The following FHIP1A variants were observed in gnomAD, a reference collection of about 807,000 sequenced individuals.
FHIP1A encodes FHF complex subunit HOOK interacting protein 1A.
Under a neutral mutation model 88.6 loss-of-function variants are expected in FHIP1A, and 61 were observed. That is an observed-to-expected ratio of 0.69 (90% CI 0.56 to 0.85). The LOEUF is 0.85. FHIP1A is among the 40% of genes least tolerant of loss of function. The pLI is 0.00. For missense variants in FHIP1A, 1,154 were observed against 1,273.5 expected (o/e 0.91, Z 1.43); for synonymous variants, 478 against 496.0 (o/e 0.96, Z 0.48).
chr4:151,505,376 A>G (rs1374450327), intron 3 of FHIP1A, among the ~76,000 whole-genome samples: 1 of 152,190 alleles, frequency 6.6e-6, no homozygotes, highest in East Asian at 1.9e-4. Flanking sequence ...GGAGTCCCCA[A>G]ATGGAAGGGG....
In FHIP1A at chr4:151,638,739, G is replaced by A; in HGVS notation, c.1209G>A (p.Met403Ile). ...TLIGLHCEDV[M>I]LQLVLRYLIP... ...TTGGTTTACATTGTGAAGATGTGAT[G>A]TTACAGCTAGTTCTAAGGTGAGTTG... The change falls in exon 9 of 14, where the codon ATG becomes ATA. Residue 403 changes from methionine to isoleucine, a missense_variant. Transcript: ENST00000435205. 6.5e-7 allele frequency: 1 copy of A among 1,547,566 alleles called. No individual in the cohort carries two copies. Among genetic ancestry groups the A allele is most frequent in the South Asian group, 1.2e-5 (1 of 83,634 alleles).
intron 6 of FHIP1A, among the ~76,000 whole-genome samples, chr4:151,587,427 TA>T (rs1157430688): frequency 1.3e-5 from 2 of 152,066 alleles, no homozygotes; most frequent in Admixed American, 6.5e-5. Context: ...TAAGTTTTCA[TA>T]AAAAATATTT....
intron 1 of FHIP1A, among the ~76,000 whole-genome samples, chr4:151,428,837 C>T (rs1418628130): frequency 6.6e-6 from 1 of 152,170 alleles, no homozygotes; most frequent in African/African-American, 2.4e-5. Flanking sequence ...CATTCCTCCC[C>T]CTCCCACATC....
chr4:151,560,038 C>T (rs1733111345), intron 3 of FHIP1A, among the ~76,000 whole-genome samples: 1 of 152,102 alleles, frequency 6.6e-6, no homozygotes, highest in Non-Finnish European at 1.5e-5. Flanking sequence ...TGAAGCGGGG[C>T]ACCTCATGGA....
At chr4:151,641,208 T>C (rs1377965437) in intron 9 of FHIP1A, among the ~76,000 whole-genome samples, 1 of 152,356 alleles carries the variant, frequency 6.6e-6, no homozygotes. Flanking sequence ...CTAATTCTGC[T>C]GTGCTGCTTG....
intron 7 of FHIP1A, among the ~76,000 whole-genome samples, chr4:151,614,237 G>A (rs1250050500): frequency 6.6e-6 from 1 of 151,974 alleles, no homozygotes; most frequent in Non-Finnish European, 1.5e-5. Context: ...GGGAGGCCGA[G>A]GCAGGAGGAT....
At chr4:151,476,616 T>A (rs1729717351) in intron 2 of FHIP1A, among the ~76,000 whole-genome samples, 1 of 152,190 alleles carries the variant, frequency 6.6e-6, no homozygotes, top group African/African-American at 2.4e-5. Context: ...TTTCACTAAT[T>A]GTTAATGGTA....
intron 1 of FHIP1A, among the ~76,000 whole-genome samples, chr4:151,426,249 A>G (rs576800934): frequency 1.6e-4 from 24 of 152,262 alleles, no homozygotes; most frequent in African/African-American, 5.3e-4. Context: ...ATAATAAAAA[A>G]CAACAAAAAA....
intron 2 of FHIP1A, among the ~76,000 whole-genome samples, chr4:151,455,853 C>G (rs1728948362): frequency 6.6e-6 from 1 of 152,136 alleles, no homozygotes; most frequent in Admixed American, 6.6e-5. Context: ...TTGTTGAGAG[C>G]TACATTAAAC....
chr4:151,614,380 A>G (rs1423843871), intron 7 of FHIP1A, among the ~76,000 whole-genome samples: 1 of 149,636 alleles, frequency 6.7e-6, no homozygotes, highest in African/African-American at 2.5e-5. Context: ...GACGTGAGAG[A>G]TTTGCTTGAC....
chr4:151,455,921 A>G (rs1344966227), intron 2 of FHIP1A, among the ~76,000 whole-genome samples: 1 of 152,246 alleles, frequency 6.6e-6, no homozygotes, highest in Admixed American at 6.5e-5. Context: ...AGTCTGGAAT[A>G]TTAGATGGAA....
At chr4:151,522,970 G>A (rs1211374796) in intron 3 of FHIP1A, among the ~76,000 whole-genome samples, 1 of 152,184 alleles carries the variant, frequency 6.6e-6, no homozygotes, top group African/African-American at 2.4e-5. Context: ...TCTGAGAGCT[G>A]ACTCTTGCTG....
At chr4:151,442,106 T>G (rs1300534101) in intron 1 of FHIP1A, among the ~76,000 whole-genome samples, 1 of 152,158 alleles carries the variant, frequency 6.6e-6, no homozygotes, top group African/African-American at 2.4e-5. Context: ...ATAATCTTAG[T>G]AATGTTCAAC....
At chr4:151,465,793 T>C (rs1322505735) in intron 2 of FHIP1A, among the ~76,000 whole-genome samples, 2 of 152,172 alleles carry the variant, frequency 1.3e-5, no homozygotes, top group Non-Finnish European at 2.9e-5. Context: ...TCACAGTAGA[T>C]GCAGAAAAGG....
At chr4:151,438,921 G>C (rs1174598088) in intron 1 of FHIP1A, among the ~76,000 whole-genome samples, 1 of 152,106 alleles carries the variant, frequency 6.6e-6, no homozygotes, top group Non-Finnish European at 1.5e-5. Flanking sequence ...GTTTAAAAAA[G>C]AAAGGTTACG....
rs111380196 is a variant in FHIP1A at position 151,564,256 on chromosome 4, C to T, written c.-122-1882C>T. ...GAAAGACCTGAGTCTTGTAGCTTTT[C>T]GATCTCTGGGATAACACAAAACTTT... On this transcript the variant is annotated intron_variant, in intron 3 of 13. Coordinates refer to ENST00000435205, the MANE Select transcript of FHIP1A (RefSeq NM_001109977.3). 4.2e-3 allele frequency among the ~76,000 whole-genome samples: 638 copies of T among 152,248 alleles called. 7 individuals carry two copies. The highest frequency in any genetic ancestry group is 0.014 in the African/African-American group (575 of 41,566).
intron 7 of FHIP1A, among the ~76,000 whole-genome samples, chr4:151,594,240 A>G (rs1715382485): frequency 6.6e-6 from 1 of 152,168 alleles, no homozygotes; most frequent in Admixed American, 6.5e-5. Context: ...TGGTATCAGG[A>G]TGATGCTGGC....
At chr4:151,412,042 A>G (rs1160793378) in intron 1 of FHIP1A, among the ~76,000 whole-genome samples, 2 of 152,214 alleles carry the variant, frequency 1.3e-5, no homozygotes, top group Non-Finnish European at 2.9e-5. Context: ...TGATTTAACC[A>G]TTTTGTAGTA....
intron 2 of FHIP1A, among the ~76,000 whole-genome samples, chr4:151,474,838 T>C (rs1404022979): frequency 6.6e-6 from 1 of 152,220 alleles, no homozygotes; most frequent in South Asian, 2.1e-4. Flanking sequence ...AGGCTAACAA[T>C]GTAATTCCCA....
Sources: allele counts gnomAD v4.1 joint callset (sites outside exome capture counted in the v4.1 genomes callset), GRCh38; gene constraint gnomAD v4.1.1; transcripts MANE v1.5; gene names NCBI Gene and HGNC (gene_info 2026-07-23, HGNC 2026-07-21).